Variants in HK1 observed in about 807,000 individuals in gnomAD.
HK1 encodes the protein hexokinase-1.
In HK1, 28 loss-of-function variants were observed where a neutral mutation model predicts 91.6. That is an observed-to-expected ratio of 0.31 (90% CI 0.23 to 0.42). HK1 has a LOEUF of 0.42. HK1 is among the 10% of genes least tolerant of loss of function. HK1 has a pLI of 1.00. For synonymous variants in HK1, 430 were observed against 468.1 expected (o/e 0.92, Z 1.05); for missense variants, 770 against 1,219.8 (o/e 0.63, Z 5.49).
intron 1 of HK1, chr10:69,338,826 T>A: frequency 7.6e-6 from 4 of 523,210 alleles, no homozygotes; most frequent in Non-Finnish European, 1.2e-5. Context: ...AGGAGGAGAG[T>A]AAAGATCTGG....
chr10:69,339,073 G>C (rs1294972361), intron 1 of HK1, among the ~76,000 whole-genome samples: 1 of 152,208 alleles, frequency 6.6e-6, no homozygotes, highest in Non-Finnish European at 1.5e-5. Flanking sequence ...AGGAGGGGCT[G>C]GTCTGAACGA....
chr10:69,307,088 G>A (rs1270350646), intron 5 of HK1, among the ~76,000 whole-genome samples: 1 of 152,198 alleles, frequency 6.6e-6, no homozygotes, highest in East Asian at 1.9e-4. Flanking sequence ...GTGCCCATGG[G>A]ACATATAAGA....
intron 14 of HK1, 180 bp downstream of exon 14, chr10:69,389,476 A>AG: frequency 5.7e-5 from 11 of 191,736 alleles, no homozygotes; most frequent in Admixed American, 2.2e-4. Context: ...TGGCGGGGGG[A>AG]GGTGGGGGGG....
chr10:69,372,110 A>T (rs904184771), intron 7 of HK1, among the ~76,000 whole-genome samples: 1 of 152,080 alleles, frequency 6.6e-6, no homozygotes, highest in African/African-American at 2.4e-5. Flanking sequence ...GTGCAGGGGA[A>T]CTCCTCTTTA....
At chr10:69,289,773 A>ATTT (rs35585147) in intron 3 of HK1, among the ~76,000 whole-genome samples, 1 of 135,538 alleles carries the variant, frequency 7.4e-6, no homozygotes, top group Non-Finnish European at 1.6e-5. Flanking sequence ...CACCCGGCCA[A>ATTT]TTTTTTTTTT....
At chr10:69,371,955 A>T in intron 7 of HK1, among the ~76,000 whole-genome samples, 1 of 152,306 alleles carries the variant, frequency 6.6e-6, no homozygotes, top group Non-Finnish European at 1.5e-5. Flanking sequence ...GTCTGTTTTC[A>T]CACTGCCTAT....
At chr10:69,271,968 A>G (rs926746621) in intron 1 of HK1, among the ~76,000 whole-genome samples, 3 of 151,890 alleles carry the variant, frequency 2.0e-5, no homozygotes, top group Non-Finnish European at 2.9e-5. Flanking sequence ...GGTTCAGTCA[A>G]TTCTCCTGCC....
intron 16 of HK1, among the ~76,000 whole-genome samples, chr10:69,397,754 G>A (rs771564715): frequency 3.3e-5 from 5 of 152,112 alleles, no homozygotes; most frequent in East Asian, 1.9e-4. Flanking sequence ...CCCAGTTATC[G>A]TCTCTTTCAA....
intron 2 of HK1, among the ~76,000 whole-genome samples, chr10:69,347,779 T>C (rs1481724542): frequency 6.6e-6 from 1 of 152,118 alleles, no homozygotes; most frequent in Non-Finnish European, 1.5e-5. Context: ...GTGGTCAGAT[T>C]CTTCAGTCTT....
exon 5 of HK1, chr10:69,300,850 C>T: frequency 1.3e-6 from 2 of 1,582,588 alleles, no homozygotes; most frequent in Non-Finnish European, 1.7e-6. Flanking sequence ...AAAAAGAGCC[C>T]TGCATGATTT....
chr10:69,392,434 C>G, intron 15 of HK1, 126 bp downstream of exon 15: 1 of 978,980 alleles, frequency 1.0e-6, no homozygotes, highest in Non-Finnish European at 1.6e-6. Context: ...AAGACTGGAC[C>G]CCCTGGCTCA....
At chr10:69,373,868 G>A (rs1564551019) in intron 7 of HK1, among the ~76,000 whole-genome samples, 1 of 152,168 alleles carries the variant, frequency 6.6e-6, no homozygotes, top group East Asian at 1.9e-4. Flanking sequence ...GGCATTACAG[G>A]TGTGAGCTAC....
chr10:69,284,227 C>T (rs1420825222), intron 2 of HK1, among the ~76,000 whole-genome samples: 2 of 152,134 alleles, frequency 1.3e-5, no homozygotes, highest in African/African-American at 2.4e-5. Context: ...AGCTTACAGC[C>T]ATATGACCTT....
chr10:69,318,698 C>T, upstream of HK1: 1 of 590,500 alleles, frequency 1.7e-6, no homozygotes, highest in South Asian at 3.6e-5. Flanking sequence ...CACCGCCGGG[C>T]GTTGCAGAGG....
At chr10:69,368,453 C>A in intron 4 of HK1, 83 bp from the exon 5 acceptor site, 1 of 1,226,314 alleles carries the variant, frequency 8.2e-7, no homozygotes, top group Admixed American at 1.7e-5. Context: ...TCTGCTTCAT[C>A]CCTGTCCTGG....
At chr10:69,388,373 G>T (rs1267949517) in intron 13 of HK1, among the ~76,000 whole-genome samples, 1 of 152,208 alleles carries the variant, frequency 6.6e-6, no homozygotes, top group Non-Finnish European at 1.5e-5. Context: ...CTTGAGCTTA[G>T]GAGGTTGAGT....
At position 69,368,589 on chromosome 10, in the gene HK1, A is replaced by G; in HGVS notation, c.549A>G (p.Ala183=). ...KRFKASGVEG[A]DVVKLLNKAI... ...TTAAAGCGAGCGGAGTGGAAGGAGC[A>G]GATGTGGTCAAACTGCTTAACAAAG... Residue 183 remains alanine (A), a synonymous_variant, in exon 5 of 18, where the codon GCA becomes GCG. Transcript: ENST00000359426. 6.2e-7 allele frequency: 1 copy of G among 1,614,218 alleles called. No homozygotes were observed. The highest frequency in any genetic ancestry group is 1.1e-5 in the South Asian group (1 of 91,078).
Position 69,382,540 on chromosome 10 carries a change from T to C in HK1, c.1319T>C (p.Val440Ala). ...TLRRLVPDSDVRFLLSESGSG... is the reference protein window; with the variant it reads ...TLRRLVPDSDARFLLSESGSG... ...AGGCGCTTGGTGCCAGACTCCGATG[T>C]GCGCTTCCTCCTCTCGGAGAGTGGC... The change falls in exon 10 of 18, where the codon GTG (valine) becomes GCG (alanine). Residue 440 changes from valine to alanine, a missense_variant. Physicochemically the swap from Val to Ala is moderately conservative, Grantham distance 64. Transcript: ENST00000359426. 2 of 1,614,206 alleles carry C rather than the reference T, an allele frequency of 1.2e-6. No individual in the cohort carries two copies. The highest frequency in any genetic ancestry group is 1.7e-6 in the Non-Finnish European group (2 of 1,180,032).
chr10:69,314,112 A>G (rs1846521657), upstream of HK1, among the ~76,000 whole-genome samples: 1 of 152,244 alleles, frequency 6.6e-6, no homozygotes, highest in African/African-American at 2.4e-5. Flanking sequence ...CACTGAGCTC[A>G]GGATCTGCAG....
Sources: gnomAD v4.1 joint callset for allele counts (sites outside exome capture counted in the v4.1 genomes callset) on GRCh38, gnomAD v4.1.1 for gene constraint, MANE v1.5 for transcripts, NCBI Gene and HGNC (gene_info 2026-07-23, HGNC 2026-07-21) for gene names.